The following EYA2 variants were observed in gnomAD, a reference collection of about 807,000 sequenced individuals.
The protein encoded by EYA2 is EYA transcriptional coactivator and phosphatase 2.
EYA2 carries 31 observed loss-of-function variants against 69.2 expected under a neutral mutation model. The observed-to-expected ratio is 0.45, with a 90% CI of 0.34 to 0.60. The LOEUF (loss-of-function observed/expected upper bound fraction) is 0.60, where lower values mean the gene tolerates loss of function less well. Among genes scored for constraint, EYA2 ranks in the 20% least tolerant of loss-of-function variants. The pLI is 0.02. For synonymous variants in EYA2, 257 were observed against 279.4 expected, an observed-to-expected ratio of 0.92 and a Z score of 0.80; for missense variants, 622 against 701.2, an observed-to-expected ratio of 0.89 and a Z score of 1.28.
At chr20:47,176,728 C>T (rs1189177288) in intron 12 of EYA2, among the ~76,000 whole-genome samples, 1 of 151,856 alleles carries the variant, frequency 6.6e-6, no homozygotes, top group African/African-American at 2.4e-5. Context: ...TATACAAAAG[C>T]TGTAGGCATT....
intron 1 of EYA2, among the ~76,000 whole-genome samples, chr20:46,968,691 C>T (rs934166890): frequency 6.6e-6 from 1 of 152,100 alleles, no homozygotes; most frequent in African/African-American, 2.4e-5. Flanking sequence ...TTCTACCCAC[C>T]GGATGCCAAT....
intron 1 of EYA2, among the ~76,000 whole-genome samples, chr20:46,935,554 A>C (rs1229175909): frequency 6.6e-6 from 1 of 152,142 alleles, no homozygotes; most frequent in Non-Finnish European, 1.5e-5. Context: ...CCATGATAGC[A>C]AGTGCCTTAG....
chr20:47,003,557 C>T (rs1482037378), intron 3 of EYA2, among the ~76,000 whole-genome samples: 1 of 152,212 alleles, frequency 6.6e-6, no homozygotes, highest in East Asian at 1.9e-4. Context: ...TATGTGCATG[C>T]CTGCATGTGT....
chr20:47,090,910 T>C lies in EYA2; in HGVS notation c.804+1529T>C, dbSNP rs563769124. Among the ~76,000 whole-genome samples, 29 of 152,118 alleles carry C rather than the reference T, an allele frequency of 1.9e-4. 1 individual carries two copies. The highest frequency in any genetic ancestry group is 3.4e-3 in the Middle Eastern group (1 of 294). On this transcript the variant is annotated intron_variant, in intron 8 of 15. Coordinates refer to ENST00000327619, the MANE Select transcript of EYA2 (RefSeq NM_005244.5). ...CCGGAAGTAAGCTACTGTTGTCTTA[T>C]CAAGGGAGGAAAATGAGCAAACTCA... is the stretch of plus-strand genomic sequence containing the variant.
intron 14 of EYA2, among the ~76,000 whole-genome samples, 174 bp downstream of exon 14, chr20:47,181,110 C>T (rs552078140): frequency 2.0e-5 from 3 of 152,168 alleles, no homozygotes; most frequent in Non-Finnish European, 1.5e-5. Flanking sequence ...TTAACCTCTG[C>T]TTCTAAAGAA....
intron 2 of EYA2, 79 bp downstream of exon 2, chr20:46,990,198 C>T (rs111939853): frequency 2.8e-5 from 21 of 763,550 alleles, no homozygotes; most frequent in Admixed American, 7.2e-5. Context: ...GCAACAGACA[C>T]GCATCCTTTC....
intron 10 of EYA2, among the ~76,000 whole-genome samples, chr20:47,158,517 CAA>C (rs11435825): frequency 1.4e-5 from 2 of 139,596 alleles, no homozygotes; most frequent in African/African-American, 2.6e-5. Context: ...AACTCTGTCT[CAA>C]AAAAAAAAAA....
At chr20:46,987,964 C>CTATATATATATATATATATA (rs71183225) in intron 1 of EYA2, among the ~76,000 whole-genome samples, 10 of 11,260 alleles carry the variant, frequency 8.9e-4, no homozygotes, top group Non-Finnish European at 1.3e-3. Context: ...CTCTCTCTCT[C>CTATATATATATATATATATA]TATATATATA....
intron 10 of EYA2, among the ~76,000 whole-genome samples, chr20:47,156,862 C>G (rs2033962291): frequency 6.6e-6 from 1 of 151,908 alleles, no homozygotes; most frequent in Non-Finnish European, 1.5e-5. Context: ...CATCGGGGCC[C>G]TGATGAGCAT....
intron 1 of EYA2, among the ~76,000 whole-genome samples, chr20:46,957,331 C>T (rs1950525255): frequency 6.6e-6 from 1 of 152,138 alleles, no homozygotes; most frequent in Admixed American, 6.5e-5. Context: ...AAAAACTAGT[C>T]AATACCAGGC....
chr20:47,180,331 C>T (rs758928314), intron 13 of EYA2, among the ~76,000 whole-genome samples: 10 of 152,158 alleles, frequency 6.6e-5, no homozygotes, highest in Non-Finnish European at 1.3e-4. Flanking sequence ...ACTCCCAGCC[C>T]AAATATTTAA....
chr20:46,938,469 A>G (rs1986015472), intron 1 of EYA2, among the ~76,000 whole-genome samples: 1 of 152,232 alleles, frequency 6.6e-6, no homozygotes, highest in South Asian at 2.1e-4. Flanking sequence ...TCCTCCACTC[A>G]GGGTCTCTCA....
At chr20:47,004,762 A>C in intron 3 of EYA2, 180 bp from the exon 4 acceptor site, 1 of 807,104 alleles carries the variant, frequency 1.2e-6, no homozygotes, top group South Asian at 1.6e-5. Flanking sequence ...AGGAGACAGA[A>C]AATGTAATCT....
chr20:47,124,463 GACT>G (rs1360404671), intron 9 of EYA2, among the ~76,000 whole-genome samples: 1 of 152,184 alleles, frequency 6.6e-6, no homozygotes, highest in African/African-American at 2.4e-5. Flanking sequence ...GAAGTGTGAC[GACT>G]ACTAATAATA....
intron 1 of EYA2, among the ~76,000 whole-genome samples, chr20:46,925,369 A>C (rs1400010114): frequency 1.3e-5 from 2 of 152,222 alleles, no homozygotes; most frequent in Non-Finnish European, 2.9e-5. Flanking sequence ...GCATAATGCA[A>C]ATACCATATG....
intron 1 of EYA2, among the ~76,000 whole-genome samples, chr20:46,911,362 G>A (rs1457017699): frequency 1.3e-5 from 2 of 152,136 alleles, no homozygotes; most frequent in African/African-American, 4.8e-5. Flanking sequence ...CTCACCACCA[G>A]GTTGGTACAA....
At chr20:47,178,918 A>C (rs2034479290) in intron 12 of EYA2, among the ~76,000 whole-genome samples, 1 of 151,018 alleles carries the variant, frequency 6.6e-6, no homozygotes, top group Non-Finnish European at 1.5e-5. Flanking sequence ...CCCTATGGTG[A>C]GCAAGTCAGT....
In EYA2 at chr20:47,074,186, A is replaced by G. The variant is rs1336783233; in HGVS notation, c.512A>G (p.Gln171Arg). 1.9e-6 allele frequency: 3 copies of G among 1,612,706 alleles called. No homozygotes were observed. Among genetic ancestry groups the G allele is most frequent in the African/African-American group, 1.3e-5 (1 of 74,826 alleles). ...QDYPSYPGFP[Q>R]SQYPQYYGSS... ...TATCCTTCCTACCCCGGCTTCCCCCAGAGCCAGTACCCCCAGTATTACGGC... is the reference window on the plus strand; with the variant it reads ...TATCCTTCCTACCCCGGCTTCCCCCGGAGCCAGTACCCCCAGTATTACGGC... The change falls in exon 7 of 16, where the codon CAG becomes CGG. Residue 171 changes from glutamine (Q) to arginine (R), a missense_variant. Coordinates refer to ENST00000327619, the MANE Select transcript of EYA2 (RefSeq NM_005244.5).
At position 46,943,497 on chromosome 20, in the gene EYA2, TCTGGGGCC is replaced by T. The variant is rs535502367; in HGVS notation, c.-10-46498_-10-46491del. Among the ~76,000 whole-genome samples the T allele has an allele frequency of 9.2e-5, 14 of 152,326 alleles. No individual in the cohort carries two copies. The South Asian group carries it at 2.5e-3, about 27-fold the overall frequency. ...AGAAATACGCCAGCCTGAGGGCCTCTCTGGGGCCCTGGGAACTGCTGTTGGATGTTGAA... is the reference window on the plus strand; with the variant it reads ...AGAAATACGCCAGCCTGAGGGCCTCTCTGGGAACTGCTGTTGGATGTTGAA... On this transcript the variant is annotated intron_variant, in intron 1 of 15. Transcript: ENST00000327619.
Sources: allele counts gnomAD v4.1 joint callset (sites outside exome capture counted in the v4.1 genomes callset), GRCh38; gene constraint gnomAD v4.1.1; transcripts MANE v1.5; gene names NCBI Gene and HGNC (gene_info 2026-07-23, HGNC 2026-07-21).